Variants in ABCC4 observed in about 807,000 individuals in gnomAD.
The protein encoded by ABCC4 is ATP binding cassette subfamily C member 4 (PEL blood group), also known as ATP-binding cassette sub-family C member 4.
In ABCC4, 102 loss-of-function variants were observed where a neutral mutation model predicts 168.5. The ratio of observed to expected loss-of-function variants is 0.61; its 90% CI spans 0.52 to 0.71. The LOEUF (loss-of-function observed/expected upper bound fraction) is 0.71, where lower values mean the gene tolerates loss of function less well. Ranked by LOEUF, ABCC4 falls within the 30% of genes least tolerant of loss-of-function variation. ABCC4 has a pLI of 0.00. For synonymous variants in ABCC4, 617 were observed against 590.7 expected, an observed-to-expected ratio of 1.04 and a Z score of -0.65; for missense variants, 1,402 against 1,605.8, an observed-to-expected ratio of 0.87 and a Z score of 2.17.
At chr13:95,077,290 C>T (rs562173841) in intron 21 of ABCC4, among the ~76,000 whole-genome samples, 1 of 152,278 alleles carries the variant, frequency 6.6e-6, no homozygotes, top group East Asian at 1.9e-4. Context: ...CCAGAGAAGA[C>T]CCTGTTAGTA....
At chr13:95,215,261 G>A (rs1481049032) in intron 4 of ABCC4, among the ~76,000 whole-genome samples, 3 of 152,066 alleles carry the variant, frequency 2.0e-5, no homozygotes, top group Admixed American at 6.5e-5. Flanking sequence ...AATTCTCCAG[G>A]CATGGTGCCA....
intron 19 of ABCC4, among the ~76,000 whole-genome samples, chr13:95,144,568 C>A (rs554266269): frequency 9.2e-5 from 14 of 152,248 alleles, no homozygotes; most frequent in Admixed American, 2.6e-4. Context: ...ATACAAAAAT[C>A]AATGCATAAA....
chr13:95,073,124 A>G, intron 24 of ABCC4, 80 bp downstream of exon 24: 7 of 1,142,620 alleles, frequency 6.1e-6, no homozygotes, highest in South Asian at 4.3e-5. Flanking sequence ...AACAGTTTTA[A>G]TATTTCACAT....
chr13:95,268,159 C>T (rs535866064), intron 1 of ABCC4, among the ~76,000 whole-genome samples: 1 of 152,144 alleles, frequency 6.6e-6, no homozygotes, highest in Non-Finnish European at 1.5e-5. Context: ...TACCCCCAAC[C>T]CTGTGCTCGC....
intron 30 of ABCC4, among the ~76,000 whole-genome samples, chr13:95,027,024 G>C (rs2031584566): frequency 6.6e-6 from 1 of 152,158 alleles, no homozygotes; most frequent in South Asian, 2.1e-4. Flanking sequence ...GTGAAAGAAG[G>C]TGTGACCCAA....
At chr13:95,061,381 C>A (rs956398399) in intron 26 of ABCC4, among the ~76,000 whole-genome samples, 2 of 147,016 alleles carry the variant, frequency 1.4e-5, no homozygotes, top group African/African-American at 5.5e-5. Flanking sequence ...AAGCGTGATT[C>A]CAATTGTTTT....
At chr13:95,289,108 A>G (rs2041330557) in intron 1 of ABCC4, among the ~76,000 whole-genome samples, 1 of 152,212 alleles carries the variant, frequency 6.6e-6, no homozygotes, top group Non-Finnish European at 1.5e-5. Flanking sequence ...CCGTCTCTCA[A>G]GACAGTAATC....
chr13:95,123,178 C>T (rs16950650), intron 19 of ABCC4, among the ~76,000 whole-genome samples: 6,892 of 152,246 alleles, frequency 0.045, 257 homozygotes, highest in African/African-American at 0.11. Flanking sequence ...CTGTTTTCCA[C>T]ATCCAGCTTC....
At chr13:95,247,551 A>T (rs1011032522) in intron 2 of ABCC4, 92 bp downstream of exon 2, 1 of 916,404 alleles carries the variant, frequency 1.1e-6, no homozygotes, top group Non-Finnish European at 1.7e-6. Flanking sequence ...GGGTAAACGG[A>T]GGCTCCAGAC....
At chr13:95,157,931 G>T (rs2036929556) in intron 19 of ABCC4, among the ~76,000 whole-genome samples, 1 of 152,026 alleles carries the variant, frequency 6.6e-6, no homozygotes, top group Non-Finnish European at 1.5e-5. Flanking sequence ...AATTAGCCGG[G>T]CGTGGTGGTG....
At chr13:95,147,945 C>A (rs1385355820) in intron 19 of ABCC4, among the ~76,000 whole-genome samples, 2 of 152,086 alleles carry the variant, frequency 1.3e-5, no homozygotes, top group African/African-American at 4.8e-5. Flanking sequence ...ATTGAAAACA[C>A]AACCAAAAAG....
chr13:95,037,809 A>C (rs1477645825), intron 29 of ABCC4, among the ~76,000 whole-genome samples: 1 of 152,186 alleles, frequency 6.6e-6, no homozygotes, highest in African/African-American at 2.4e-5. Context: ...TATTACACCC[A>C]GGACTCAAAA....
chr13:95,128,523 C>T (rs1367047904), intron 19 of ABCC4, among the ~76,000 whole-genome samples: 2 of 152,224 alleles, frequency 1.3e-5, no homozygotes, highest in African/African-American at 4.8e-5. Context: ...CTCTGAACAT[C>T]ATAGCTGTGC....
chr13:95,253,146 G>T (rs1405874618), intron 1 of ABCC4, among the ~76,000 whole-genome samples: 4 of 152,140 alleles, frequency 2.6e-5, no homozygotes, highest in Non-Finnish European at 5.9e-5. Context: ...AGAAAGGTTA[G>T]TGCACGGCCA....
At chr13:95,172,038 A>T (rs1180985146) in intron 13 of ABCC4, among the ~76,000 whole-genome samples, 4 of 152,226 alleles carry the variant, frequency 2.6e-5, no homozygotes, top group Non-Finnish European at 5.9e-5. Context: ...TATGTCCAGT[A>T]TCAGCCAACT....
rs766357126 is a variant in ABCC4 at position 95,188,461 on chromosome 13, C to A, written c.1345G>T (p.Ala449Ser). ...ELLAVVGPVG[A>S]GKSSLLSAVL... The stretch of plus-strand genomic sequence containing the variant: ...AAGCCATTCTAACTCACCTTCCCTG[C>A]TCCCACGGGGCCGACCACAGCTAAC... The change falls in exon 10 of 31, where the codon GCA becomes TCA. Residue 449 changes from alanine to serine, a missense_variant. This residue lies in a region of ABCC4 where 1,007 missense variants were observed against 1,127.3 expected (regional missense o/e 0.89). Transcript: ENST00000645237. 6.2e-7 allele frequency: 1 copy of A among 1,614,066 alleles called. No individual in the cohort carries two copies. Among genetic ancestry groups the A allele is most frequent in the African/African-American group, 1.3e-5 (1 of 74,922 alleles).
At chr13:95,268,190 C>T (rs1242417616) in intron 1 of ABCC4, among the ~76,000 whole-genome samples, 1 of 152,308 alleles carries the variant, frequency 6.6e-6, no homozygotes, top group Middle Eastern at 3.4e-3. Context: ...GCTGTGTTGA[C>T]TCATGATTTA....
chr13:95,274,354 A>C (rs1204942475), intron 1 of ABCC4, among the ~76,000 whole-genome samples: 1 of 152,174 alleles, frequency 6.6e-6, no homozygotes, highest in Non-Finnish European at 1.5e-5. Context: ...AGAAGGGCCC[A>C]GCCAGGAGCA....
intron 20 of ABCC4, among the ~76,000 whole-genome samples, chr13:95,101,855 T>A (rs2034820864): frequency 6.6e-6 from 1 of 152,252 alleles, no homozygotes. Context: ...TAATGCAGCA[T>A]AATGTCATTG....
Sources: allele counts gnomAD v4.1 joint callset (sites outside exome capture counted in the v4.1 genomes callset), GRCh38; gene constraint gnomAD v4.1.1; regional missense constraint gnomAD v4.1.1; transcripts MANE v1.5; gene names NCBI Gene and HGNC (gene_info 2026-07-23, HGNC 2026-07-21).